SCHIP1: variants seen among roughly 807,000 people sequenced by gnomAD.
The protein encoded by SCHIP1 is schwannomin-interacting protein 1.
SCHIP1 carries 8 observed loss-of-function variants against 29.7 expected under a neutral mutation model. The observed-to-expected ratio is 0.27, with a 90% CI of 0.16 to 0.49. The LOEUF is 0.49. Among genes scored for constraint, SCHIP1 ranks in the 20% least tolerant of loss-of-function variants. The pLI is 0.99. For synonymous variants in SCHIP1, 76 were observed against 94.9 expected (o/e 0.80, Z 1.16); for missense variants, 193 against 294.6 (o/e 0.66, Z 2.52).
At chr3:159,719,256 G>A in the SCHIP1 span, among the ~76,000 whole-genome samples, 1 of 152,144 alleles carries the variant, frequency 6.6e-6, no homozygotes, top group Admixed American at 6.5e-5. Context: ...AGACTTAAAT[G>A]TCAGACCTAA....
chr3:159,453,610 T>C, the SCHIP1 span, among the ~76,000 whole-genome samples: 3 of 152,198 alleles, frequency 2.0e-5, no homozygotes, highest in African/African-American at 4.8e-5. Context: ...TGCCTATCTT[T>C]GAGGTTCACC....
chr3:159,291,324 C>A, the SCHIP1 span, among the ~76,000 whole-genome samples: 37 of 152,150 alleles, frequency 2.4e-4, no homozygotes, highest in African/African-American at 8.2e-4. Context: ...AGAAGAGCAA[C>A]ACTCTTTAAA....
At chr3:159,524,995 C>A in the SCHIP1 span, among the ~76,000 whole-genome samples, 1 of 152,194 alleles carries the variant, frequency 6.6e-6, no homozygotes. Context: ...TGCTTCCATA[C>A]CAGAAACCTT....
the SCHIP1 span, among the ~76,000 whole-genome samples, chr3:159,527,759 G>A: frequency 6.6e-6 from 1 of 152,078 alleles, no homozygotes; most frequent in African/African-American, 2.4e-5. Context: ...CAAATTAAGT[G>A]GGTTTTAATT....
chr3:159,661,738 C>T, the SCHIP1 span, among the ~76,000 whole-genome samples: 1 of 151,944 alleles, frequency 6.6e-6, no homozygotes, highest in Non-Finnish European at 1.5e-5. Flanking sequence ...GTTAATAATC[C>T]CTGAATCCTG....
At chr3:159,768,440 G>C in the SCHIP1 span, 1 of 152,206 alleles carries the variant, frequency 6.6e-6, no homozygotes, top group African/African-American at 2.4e-5. Flanking sequence ...CCTCTTAGTT[G>C]TGGTGATGCA....
the SCHIP1 span, among the ~76,000 whole-genome samples, chr3:159,607,545 T>C: frequency 2.0e-5 from 3 of 152,272 alleles, no homozygotes; most frequent in Non-Finnish European, 4.4e-5. Context: ...TTAATGAGGC[T>C]CTGGGTATCC....
chr3:159,705,459 A>T, the SCHIP1 span, among the ~76,000 whole-genome samples: 1 of 152,060 alleles, frequency 6.6e-6, no homozygotes, highest in Admixed American at 6.6e-5. Context: ...AGAGATCATA[A>T]CATAGAAATA....
chr3:159,718,964 G>A, the SCHIP1 span, among the ~76,000 whole-genome samples: 19 of 152,214 alleles, frequency 1.2e-4, no homozygotes, highest in East Asian at 3.9e-4. Flanking sequence ...GAGGCATCAC[G>A]CTACCTGACT....
chr3:159,710,939 C>T, the SCHIP1 span, among the ~76,000 whole-genome samples: 3 of 152,006 alleles, frequency 2.0e-5, no homozygotes, highest in Admixed American at 6.6e-5. Flanking sequence ...TTTCTAACAG[C>T]CAATGCAAAA....
chr3:159,525,662 G>A, the SCHIP1 span, among the ~76,000 whole-genome samples: 2 of 152,274 alleles, frequency 1.3e-5, no homozygotes, highest in Admixed American at 1.3e-4. Context: ...GGAGAGAAAG[G>A]CTGCATCATT....
chr3:159,283,191 C>T, the SCHIP1 span, among the ~76,000 whole-genome samples: 7 of 152,042 alleles, frequency 4.6e-5, no homozygotes, highest in South Asian at 6.2e-4. Flanking sequence ...CTCACTCTGT[C>T]GCTCAGGCTG....
At chr3:159,431,611 G>T in the SCHIP1 span, among the ~76,000 whole-genome samples, 1 of 151,868 alleles carries the variant, frequency 6.6e-6, no homozygotes. Flanking sequence ...AAAGGAGTAG[G>T]TATCCTGGCT....
At chr3:159,360,304 A>T in the SCHIP1 span, among the ~76,000 whole-genome samples, 1 of 152,186 alleles carries the variant, frequency 6.6e-6, no homozygotes, top group East Asian at 1.9e-4. Context: ...AGTAGTATTC[A>T]CTTTTTCTGG....
At chr3:159,538,145 T>A in the SCHIP1 span, among the ~76,000 whole-genome samples, 1 of 152,132 alleles carries the variant, frequency 6.6e-6, no homozygotes, top group African/African-American at 2.4e-5. Flanking sequence ...AAACATGTAG[T>A]GCAAGGAGTT....
the SCHIP1 span, among the ~76,000 whole-genome samples, chr3:159,480,466 A>T: frequency 6.6e-6 from 1 of 152,162 alleles, no homozygotes; most frequent in Non-Finnish European, 1.5e-5. Context: ...TCATGGCTTG[A>T]TGAAAGAGAG....
chr3:159,385,515 C>T, the SCHIP1 span, among the ~76,000 whole-genome samples: 7 of 150,844 alleles, frequency 4.6e-5, no homozygotes, highest in African/African-American at 1.7e-4. Context: ...CGAGATCACA[C>T]TACTGTACTT....
chr3:159,812,004 C>T, the SCHIP1 span, among the ~76,000 whole-genome samples: 1 of 137,818 alleles, frequency 7.3e-6, no homozygotes, highest in African/African-American at 2.8e-5. Context: ...CAGAGTCTTG[C>T]TCTGTTGCCC....
the SCHIP1 span, among the ~76,000 whole-genome samples, chr3:159,290,238 T>C: frequency 5.3e-5 from 8 of 152,200 alleles, no homozygotes; most frequent in Non-Finnish European, 1.0e-4. Context: ...GGATGTATTA[T>C]TGAAAGAACA....
Sources: allele counts gnomAD v4.1 joint callset (sites outside exome capture counted in the v4.1 genomes callset), GRCh38; gene constraint gnomAD v4.1.1; transcripts MANE v1.5; gene names NCBI Gene and HGNC (gene_info 2026-07-23, HGNC 2026-07-21).